Variants in PLXNA4 observed in about 807,000 individuals in gnomAD.
The protein encoded by PLXNA4 is plexin-A4.
A neutral mutation model predicts 191.8 loss-of-function variants in PLXNA4; 44 were observed. The ratio of observed to expected loss-of-function variants is 0.23; its 90% CI spans 0.18 to 0.29. The LOEUF (loss-of-function observed/expected upper bound fraction) is 0.29, where lower values mean the gene tolerates loss of function less well. PLXNA4 is among the 10% of genes least tolerant of loss of function. PLXNA4 has a pLI of 1.00. For synonymous variants in PLXNA4, 1,082 were observed against 1,009.5 expected (o/e 1.07, Z -1.36); for missense variants, 1,800 against 2,488.8 (o/e 0.72, Z 5.89).
intron 4 of PLXNA4, among the ~76,000 whole-genome samples, chr7:132,255,501 T>C (rs1433016790): frequency 6.6e-6 from 1 of 152,178 alleles, no homozygotes; most frequent in African/African-American, 2.4e-5. Context: ...AACATTCACG[T>C]TAATGCAAAG....
intron 25 of PLXNA4, among the ~76,000 whole-genome samples, chr7:132,158,730 A>G (rs1264565400): frequency 2.6e-5 from 4 of 152,178 alleles, no homozygotes; most frequent in Non-Finnish European, 5.9e-5. Flanking sequence ...GATGTGTTTG[A>G]TGCTGGCCCT....
intron 12 of PLXNA4, among the ~76,000 whole-genome samples, chr7:132,200,175 T>C (rs1797385753): frequency 6.6e-6 from 1 of 152,170 alleles, no homozygotes. Context: ...ATGGAGGCAG[T>C]AAATAGCCTT....
At chr7:132,179,051 C>G (rs1796595575) in intron 20 of PLXNA4, among the ~76,000 whole-genome samples, 1 of 133,560 alleles carries the variant, frequency 7.5e-6, no homozygotes, top group East Asian at 2.1e-4. Context: ...CACACACACA[C>G]ACACACGGCC....
rs1488986974 is a variant in PLXNA4, at chr7:132,371,389, C to T, written c.1372-73167G>A. ...CCATCCTCAGCTACCTCTTCTCTAA[C>T]TTTCGGTATCTTACAGCTATTCCTG... On this transcript the variant is annotated intron_variant, in intron 3 of 31. Transcript: ENST00000321063. Among the ~76,000 whole-genome samples the T allele has an allele frequency of 3.3e-5, 5 of 152,208 alleles. No individual in the cohort carries two copies. The East Asian group carries it at 9.6e-4, about 29-fold the overall frequency.
Position 132,308,922 on chromosome 7 carries a change from G to A in PLXNA4, c.1372-10700C>T, listed in dbSNP as rs141582592. 3.3e-5 allele frequency among the ~76,000 whole-genome samples: 5 copies of A among 152,186 alleles called. No individual in the cohort carries two copies. In the East Asian group the frequency reaches 9.7e-4, roughly 30 times the overall value. On this transcript the variant is annotated intron_variant, in intron 3 of 31. Coordinates refer to ENST00000321063, the MANE Select transcript of PLXNA4 (RefSeq NM_020911.2). ...GGTTTCTATATGTGCCGTAGATAAA[G>A]AGGCTAGAAGATGTGGCCTGCAGAT... is the stretch of plus-strand genomic sequence containing the variant.
chr7:132,515,175 C>T (rs1798888668), intron 1 of PLXNA4, among the ~76,000 whole-genome samples: 1 of 152,132 alleles, frequency 6.6e-6, no homozygotes, highest in Non-Finnish European at 1.5e-5. Context: ...AGGCAAGGGC[C>T]TAAGAACCGC....
intron 1 of PLXNA4, among the ~76,000 whole-genome samples, chr7:132,571,436 C>T (rs1563181511): frequency 6.6e-6 from 1 of 152,214 alleles, no homozygotes; most frequent in Non-Finnish European, 1.5e-5. Context: ...GATCCAGGCA[C>T]CCAGCACCGC....
Position 132,145,453 on chromosome 7 carries a change from CTG to C in PLXNA4, c.5056-167_5056-166del, listed in dbSNP as rs950864522. 69 of 907,364 alleles carry C rather than the reference CTG, an allele frequency of 7.6e-5. No homozygotes were observed. In the African/African-American group the frequency reaches 1.1e-3, roughly 15 times the overall value. The allele number at this position is 907,364 out of a possible 1,614,324, so 56.2% of individuals were successfully genotyped here. A position where few individuals can be genotyped will look rare whatever the true frequency, so the allele number is the denominator to read the frequency against. On this transcript the variant is annotated intron_variant, in intron 28 of 31. Transcript: ENST00000321063. ...ATTAAATCATTTTTTCCCATTTCAT[CTG>C]TCTCTAACAGCTTTAAATTTCCCCT... is the stretch of plus-strand genomic sequence containing the variant.
At position 132,149,031 on chromosome 7, in the gene PLXNA4, G is replaced by A. The variant is rs79000111; in HGVS notation, c.4661-385C>T. ...TGCAAAGTGGCATAGTTGTGGTAGC[G>A]TGACTTGTTTGGAAGCTCTTAGAGC... On this transcript the variant is annotated intron_variant, in intron 25 of 31. Transcript: ENST00000321063. 3.3e-3 allele frequency among the ~76,000 whole-genome samples: 496 copies of A among 152,284 alleles called. 3 individuals are homozygous for A. Among genetic ancestry groups the A allele is most frequent in the African/African-American group, 0.011 (464 of 41,566 alleles).
chr7:132,322,414 C>T (rs571664199), intron 3 of PLXNA4, among the ~76,000 whole-genome samples: 141 of 152,244 alleles, frequency 9.3e-4, no homozygotes, highest in African/African-American at 3.0e-3. Flanking sequence ...AACTCCTGGC[C>T]TCAAGTGATC....
intron 3 of PLXNA4, among the ~76,000 whole-genome samples, chr7:132,355,534 C>A (rs1668443781): frequency 2.0e-5 from 3 of 152,164 alleles, no homozygotes; most frequent in Admixed American, 2.0e-4. Context: ...GGGTGCTCGG[C>A]AGACTCTCCC....
chr7:132,265,727 A>C (rs1347872693), intron 4 of PLXNA4, among the ~76,000 whole-genome samples: 1 of 152,208 alleles, frequency 6.6e-6, no homozygotes, highest in Non-Finnish European at 1.5e-5. Context: ...CCTGAAGAAC[A>C]GGACAGGGCT....
intron 3 of PLXNA4, among the ~76,000 whole-genome samples, chr7:132,425,471 G>T (rs910979713): frequency 2.6e-5 from 4 of 152,092 alleles, no homozygotes; most frequent in African/African-American, 9.7e-5. Flanking sequence ...AAGGGTTAAT[G>T]TCTGTCTCCC....
At chr7:132,259,467 A>AAAAG (rs1799553032) in intron 4 of PLXNA4, among the ~76,000 whole-genome samples, 1 of 130,108 alleles carries the variant, frequency 7.7e-6, no homozygotes, top group African/African-American at 3.1e-5. Context: ...AAAAAAAAAA[A>AAAAG]AAAAAAGAAA....
intron 3 of PLXNA4, among the ~76,000 whole-genome samples, chr7:132,390,619 A>C (rs1805366655): frequency 6.6e-6 from 1 of 152,176 alleles, no homozygotes; most frequent in Non-Finnish European, 1.5e-5. Flanking sequence ...AAACACAGCC[A>C]TCATTAACTT....
intron 1 of PLXNA4, among the ~76,000 whole-genome samples, chr7:132,556,245 G>C: frequency 6.6e-6 from 1 of 152,222 alleles, no homozygotes; most frequent in East Asian, 1.9e-4. Context: ...CAGAGAGGGA[G>C]CTTCTGCTGC....
At chr7:132,555,239 A>G (rs1455138713) in intron 1 of PLXNA4, among the ~76,000 whole-genome samples, 1 of 152,158 alleles carries the variant, frequency 6.6e-6, no homozygotes, top group Non-Finnish European at 1.5e-5. Context: ...TTCCAAAAAT[A>G]AAGGAATCCC....
At chr7:132,350,088 A>C (rs1219902045) in intron 3 of PLXNA4, among the ~76,000 whole-genome samples, 1 of 152,204 alleles carries the variant, frequency 6.6e-6, no homozygotes, top group Non-Finnish European at 1.5e-5. Context: ...CAAATCCAGA[A>C]GTTAAGATTC....
At chr7:132,631,162 T>C (rs1036892721) in intron 2 of PLXNA4, among the ~76,000 whole-genome samples, 4 of 152,250 alleles carry the variant, frequency 2.6e-5, no homozygotes, top group Admixed American at 1.3e-4. Flanking sequence ...AATGGATCTG[T>C]TTGTTTTAAT....
Sources: allele counts gnomAD v4.1 joint callset (sites outside exome capture counted in the v4.1 genomes callset), GRCh38; gene constraint gnomAD v4.1.1; transcripts MANE v1.5; gene names NCBI Gene and HGNC (gene_info 2026-07-23, HGNC 2026-07-21).